Variants in PCDHGA2 observed in about 807,000 individuals in gnomAD.
PCDHGA2 encodes the protein protocadherin gamma-A2.
Under a neutral mutation model 59.2 loss-of-function variants are expected in PCDHGA2, and 40 were observed. The observed-to-expected ratio is 0.68, with a 90% CI of 0.52 to 0.88. The LOEUF is 0.88. PCDHGA2 is among the 40% of genes least tolerant of loss of function. The probability of loss-of-function intolerance (pLI) is 0.00; values close to 1 mark genes in which losing one functional copy is unlikely to be tolerated. For missense variants in PCDHGA2, 1,226 were observed against 1,204.0 expected (o/e 1.02, Z -0.27); for synonymous variants, 560 against 526.0 (o/e 1.06, Z -0.89).
At chr5:141,398,670 A>T in intron 1 of PCDHGA2, 1 of 1,613,830 alleles carries the variant, frequency 6.2e-7, no homozygotes, top group Non-Finnish European at 8.5e-7. Flanking sequence ...TCTCATTAAT[A>T]ATTAAGGAGA....
rs759045688 is a variant in PCDHGA2 at position 141,395,208 on chromosome 5, G to C, written c.2424+53813G>C. 5.6e-6 allele frequency: 9 copies of C among 1,613,352 alleles called. No individual in the cohort carries two copies. In the Admixed American group the frequency reaches 1.5e-4, roughly 27 times the overall value. ...TTTGTTAACATCCGTAGATTTTCAT[G>C]AATATAAGAATGAAGCTGATCATGG... On this transcript the variant is annotated intron_variant, in intron 1 of 3. Coordinates refer to ENST00000394576, the MANE Select transcript of PCDHGA2 (RefSeq NM_018915.4).
rs747132868 is a variant in PCDHGA2 at position 141,431,424 on chromosome 5, G to C, written c.2425-63383G>C. ...GCCTCCGACGGGGGCGACCCGGTGC[G>C]CACAGGCACCGCGCGCATCCGCGTG... On this transcript the variant is annotated intron_variant, in intron 1 of 3. Coordinates refer to ENST00000394576, the MANE Select transcript of PCDHGA2 (RefSeq NM_018915.4). This position sits in a 1 kb window ranked among gnomAD's most constrained non-coding sequence, Gnocchi z 4.8. The C allele has an allele frequency of 6.2e-7, 1 of 1,613,558 alleles. No individual in the cohort carries two copies. The highest frequency in any genetic ancestry group is 1.1e-5 in the South Asian group (1 of 91,082).
In PCDHGA2 at chr5:141,349,050, C is replaced by T. The variant is rs1040330832; in HGVS notation, c.2424+7655C>T. Among the ~76,000 whole-genome samples, 9 of 152,012 alleles carry T rather than the reference C, an allele frequency of 5.9e-5. No homozygotes were observed. The East Asian group carries it at 9.7e-4, about 16-fold the overall frequency. On this transcript the variant is annotated intron_variant, in intron 1 of 3. Transcript: ENST00000394576. ...CGTTTTGCTCATTAATGGTATAAGT[C>T]GGCTGGAGCTGAGAATTGGCATTAT...
intron 1 of PCDHGA2, chr5:141,372,953 C>T (rs1217005690): frequency 1.5e-5 from 11 of 745,036 alleles, no homozygotes; most frequent in Non-Finnish European, 2.3e-5. Context: ...CTAGGAAATT[C>T]TTTGTAGAAT....
intron 1 of PCDHGA2, among the ~76,000 whole-genome samples, chr5:141,456,303 G>A (rs941370138): frequency 6.6e-6 from 1 of 152,156 alleles, no homozygotes; most frequent in Non-Finnish European, 1.5e-5. Flanking sequence ...ATGGAGAACA[G>A]CAGCTAGGGC....
Position 141,340,717 on chromosome 5 carries a change from A to G in PCDHGA2, c.1746A>G (p.Ala582=), listed in dbSNP as rs758846944. 4.3e-6 allele frequency: 7 copies of G among 1,614,070 alleles called. No homozygotes were observed. The Admixed American group carries it at 8.3e-5, about 19-fold the overall frequency. ...STGVELAPRS[A]EPGYLVTKVV... ...GCGTGGAGCTGGCGCCCCGCTCCGC[A>G]GAGCCCGGCTACCTGGTGACCAAGG... Residue 582 remains alanine (A), a synonymous_variant, in exon 1 of 4, where the codon GCA becomes GCG. Transcript: ENST00000394576.
chr5:141,486,371 G>T lies in PCDHGA2; in HGVS notation c.2425-8436G>T. 1.9e-6 allele frequency: 3 copies of T among 1,614,138 alleles called. No homozygotes were observed. The highest frequency in any genetic ancestry group is 2.5e-6 in the Non-Finnish European group (3 of 1,180,010). On this transcript the variant is annotated intron_variant, in intron 1 of 3. Coordinates refer to ENST00000394576, the MANE Select transcript of PCDHGA2 (RefSeq NM_018915.4). The surrounding 1 kb of genome is among the most constrained non-coding windows in gnomAD (Gnocchi z 5.0). ...CCACTTGCCATTTGCCCTCAAGTCT[G>T]CCTTCAGGAACCAGTTCTCCCTGGT...
intron 1 of PCDHGA2, among the ~76,000 whole-genome samples, chr5:141,452,745 GGAA>G (rs2098748194): frequency 6.6e-6 from 1 of 152,054 alleles, no homozygotes; most frequent in Non-Finnish European, 1.5e-5. Flanking sequence ...AGAGAGAGAA[GGAA>G]GAAGGAAGGG....
intron 1 of PCDHGA2, chr5:141,375,669 A>T (rs755513841): frequency 1.8e-5 from 29 of 1,614,240 alleles, no homozygotes; most frequent in Non-Finnish European, 2.4e-5. Context: ...AGAGACCTAC[A>T]GCTGTGGGTG....
chr5:141,394,325 T>G (rs563526295), intron 1 of PCDHGA2: 3 of 1,614,012 alleles, frequency 1.9e-6, no homozygotes, highest in South Asian at 2.2e-5. Flanking sequence ...TGTCCTCGTA[T>G]ATCTCCATCA....
Position 141,409,574 on chromosome 5 carries a change from G to C in PCDHGA2, c.2424+68179G>C, listed in dbSNP as rs752388742. ...CCCAGTTTTCGACCAGACGTCCTACGTGGTCCACGTGGCCGAGAACAACCC... is the reference window on the plus strand; with the variant it reads ...CCCAGTTTTCGACCAGACGTCCTACCTGGTCCACGTGGCCGAGAACAACCC... On this transcript the variant is annotated intron_variant, in intron 1 of 3. Coordinates refer to ENST00000394576, the MANE Select transcript of PCDHGA2 (RefSeq NM_018915.4). 32 of 1,613,902 alleles carry C rather than the reference G, an allele frequency of 2.0e-5. No individual in the cohort carries two copies. In the East Asian group the frequency reaches 6.9e-4, roughly 35 times the overall value.
chr5:141,477,162 C>A lies in PCDHGA2; in HGVS notation c.2425-17645C>A, dbSNP rs147392557. ...GAGGTTGTGGATGTGAATGACAACG[C>A]CCCGGAGATCACAGTCACCTCCGTG... On this transcript the variant is annotated intron_variant, in intron 1 of 3. Transcript: ENST00000394576. This position sits in a 1 kb window ranked among gnomAD's most constrained non-coding sequence, Gnocchi z 4.9. 3.5e-5 allele frequency: 57 copies of A among 1,614,162 alleles called. No homozygotes were observed. The Middle Eastern group carries it at 9.9e-4, about 28-fold the overall frequency.
chr5:141,420,135 A>T (rs2096469364), intron 1 of PCDHGA2: 1 of 1,614,026 alleles, frequency 6.2e-7, no homozygotes. Flanking sequence ...GTGCCTGGGG[A>T]TCAAATGAAT....
rs1165828230 is a variant in PCDHGA2, at chr5:141,511,464, C to T, written c.*291C>T. On this transcript the variant is annotated 3_prime_UTR_variant, in exon 4 of 4. Coordinates refer to ENST00000394576, the MANE Select transcript of PCDHGA2 (RefSeq NM_018915.4). ...ACACCAAGAACCATTTGCCACACCCCGTTTAGTTACAGCTGAACTCCTCCA... is the reference window on the plus strand; with the variant it reads ...ACACCAAGAACCATTTGCCACACCCTGTTTAGTTACAGCTGAACTCCTCCA... 9 of 538,254 alleles carry T rather than the reference C, an allele frequency of 1.7e-5. No individual in the cohort carries two copies. The highest frequency in any genetic ancestry group is 7.8e-5 in the East Asian group (2 of 25,720). 33.3% of individuals were successfully genotyped at this position (538,254 alleles called of 1,614,324 possible).
chr5:141,413,548 A>G, intron 1 of PCDHGA2: 1 of 1,613,946 alleles, frequency 6.2e-7, no homozygotes, highest in Non-Finnish European at 8.5e-7. Context: ...TGGGATAGAA[A>G]TAGAAGTAAC....
In PCDHGA2 at chr5:141,491,272, A is replaced by G. The variant is rs2099710110; in HGVS notation, c.2425-3535A>G. On this transcript the variant is annotated intron_variant, in intron 1 of 3. Transcript: ENST00000394576. The surrounding 1 kb of genome is among the most constrained non-coding windows in gnomAD (Gnocchi z 6.9). The stretch of plus-strand genomic sequence containing the variant: ...GGACCCTGAGGAAATGCCCAAATCC[A>G]GTGACTTCCTCATACACCCTCCTGA... The G allele has an allele frequency of 1.2e-6, 2 of 1,614,084 alleles. No homozygotes were observed. Among genetic ancestry groups the G allele is most frequent in the Non-Finnish European group, 1.7e-6 (2 of 1,179,928 alleles).
chr5:141,405,457 TTA>T, intron 1 of PCDHGA2: 1 of 1,256,670 alleles, frequency 8.0e-7, no homozygotes, highest in Non-Finnish European at 1.1e-6. Context: ...TCTTACTCTG[TTA>T]CCCAGGCTGG....
At chr5:141,361,701 T>A (rs376967719) in intron 1 of PCDHGA2, 65 of 1,613,296 alleles carry the variant, frequency 4.0e-5, no homozygotes, top group Non-Finnish European at 5.5e-5. Context: ...CCTTCGATCA[T>A]GAGCAGCTGC....
At chr5:141,440,484 A>G (rs190024112) in intron 1 of PCDHGA2, 36 of 152,300 alleles carry the variant, frequency 2.4e-4, no homozygotes, top group Non-Finnish European at 4.7e-4. Context: ...AATTCTTTAA[A>G]TGTTTTTCAC....
Sources: allele counts gnomAD v4.1 joint callset (sites outside exome capture counted in the v4.1 genomes callset), GRCh38; gene constraint gnomAD v4.1.1; non-coding constraint Gnocchi (gnomAD v3.1); transcripts MANE v1.5; gene names NCBI Gene and HGNC (gene_info 2026-07-23, HGNC 2026-07-21).